The following PPP1R14C variants were observed in gnomAD, a reference collection of about 807,000 sequenced individuals.
The protein encoded by PPP1R14C is protein phosphatase 1 regulatory subunit 14C.
Under a neutral mutation model 20.4 loss-of-function variants are expected in PPP1R14C, and 16 were observed. The ratio of observed to expected loss-of-function variants is 0.78; its 90% CI spans 0.53 to 1.19. The LOEUF is 1.19. PPP1R14C is among the 50% of genes most tolerant of loss of function. The pLI, the probability that PPP1R14C is intolerant of heterozygous loss-of-function variation, is 0.00. For synonymous variants in PPP1R14C, 91 were observed against 91.0 expected (o/e 1.00, Z 0.00); for missense variants, 211 against 220.1 (o/e 0.96, Z 0.26).
intron 1 of PPP1R14C, among the ~76,000 whole-genome samples, chr6:150,151,891 C>G (rs1292402003): frequency 1.3e-5 from 2 of 152,060 alleles, no homozygotes; most frequent in East Asian, 3.9e-4. Context: ...GAGGCTGAGG[C>G]GGGCGGATCA....
intron 3 of PPP1R14C, among the ~76,000 whole-genome samples, chr6:150,218,481 C>T (rs561102720): frequency 7.7e-5 from 9 of 117,042 alleles, no homozygotes; most frequent in Non-Finnish European, 3.5e-5. Flanking sequence ...TGAACCCCCC[C>T]CCCCAAAAAA....
At chr6:150,207,896 G>A (rs1717443780) in intron 1 of PPP1R14C, among the ~76,000 whole-genome samples, 1 of 152,176 alleles carries the variant, frequency 6.6e-6, no homozygotes, top group African/African-American at 2.4e-5. Context: ...GGCCTGGGAA[G>A]TTCAAGGTCG....
At chr6:150,209,278 G>C (rs781605857) in intron 1 of PPP1R14C, among the ~76,000 whole-genome samples, 1 of 152,344 alleles carries the variant, frequency 6.6e-6, no homozygotes, top group South Asian at 2.1e-4. Context: ...ATCTTCAGGT[G>C]AGGTTTTAGC....
intron 3 of PPP1R14C, among the ~76,000 whole-genome samples, chr6:150,245,174 T>A (rs142536949): frequency 1.2e-3 from 186 of 152,354 alleles, no homozygotes; most frequent in African/African-American, 4.4e-3. Context: ...CTACTGGCTC[T>A]GCCTCCTAAA....
chr6:150,247,415 C>T (rs1168760237), intron 3 of PPP1R14C, among the ~76,000 whole-genome samples: 2 of 152,160 alleles, frequency 1.3e-5, no homozygotes, highest in South Asian at 4.2e-4. Flanking sequence ...CATTTTAAAA[C>T]AGGAGGCAAC....
At chr6:150,152,331 C>T (rs907604391) in intron 1 of PPP1R14C, among the ~76,000 whole-genome samples, 20 of 152,264 alleles carry the variant, frequency 1.3e-4, no homozygotes, top group African/African-American at 4.6e-4. Context: ...TGTCCCTGCT[C>T]CAGCTCCCCA....
intron 1 of PPP1R14C, among the ~76,000 whole-genome samples, chr6:150,193,429 G>A (rs894947497): frequency 1.3e-5 from 2 of 152,124 alleles, no homozygotes; most frequent in Admixed American, 1.3e-4. Flanking sequence ...GAATTGGAGT[G>A]TGTAGATGTC....
At chr6:150,232,541 AGC>A (rs1352399025) in intron 3 of PPP1R14C, among the ~76,000 whole-genome samples, 1 of 152,204 alleles carries the variant, frequency 6.6e-6, no homozygotes. Flanking sequence ...TGGCTTTGAA[AGC>A]TTTCACTTTC....
intron 3 of PPP1R14C, among the ~76,000 whole-genome samples, chr6:150,237,669 C>T (rs75577789): frequency 0.047 from 7,223 of 152,246 alleles, 256 homozygotes; most frequent in Middle Eastern, 0.075. Context: ...ATCATTTAAT[C>T]CTTACAGCAT....
At chr6:150,174,700 C>T (rs1220291330) in intron 1 of PPP1R14C, among the ~76,000 whole-genome samples, 1 of 151,588 alleles carries the variant, frequency 6.6e-6, no homozygotes, top group Admixed American at 6.6e-5. Flanking sequence ...CGCAGTGGCT[C>T]ACGCCTGTAA....
At chr6:150,207,409 G>T (rs1777967092) in intron 1 of PPP1R14C, among the ~76,000 whole-genome samples, 3 of 152,142 alleles carry the variant, frequency 2.0e-5, no homozygotes, top group Admixed American at 2.0e-4. Context: ...GGTGGGGCTG[G>T]GCCCTCGATT....
At chr6:150,196,064 T>C (rs1429623289) in intron 1 of PPP1R14C, 15 of 985,320 alleles carry the variant, frequency 1.5e-5, no homozygotes, top group East Asian at 2.3e-4. Flanking sequence ...ACTAAAACCG[T>C]AGTTCTGCTA....
intron 3 of PPP1R14C, among the ~76,000 whole-genome samples, chr6:150,227,567 A>G (rs1778244194): frequency 6.6e-6 from 1 of 152,226 alleles, no homozygotes. Context: ...GTCCATAGGC[A>G]GGGAACTCCT....
intron 1 of PPP1R14C, among the ~76,000 whole-genome samples, chr6:150,214,438 C>T (rs1778064930): frequency 6.6e-6 from 1 of 151,844 alleles, no homozygotes; most frequent in Non-Finnish European, 1.5e-5. Context: ...TTTGCTCCCC[C>T]TCCTCCTTCT....
intron 1 of PPP1R14C, among the ~76,000 whole-genome samples, chr6:150,203,310 C>T (rs200313155): frequency 2.0e-5 from 3 of 152,198 alleles, no homozygotes; most frequent in Non-Finnish European, 4.4e-5. Flanking sequence ...TGGAATCATG[C>T]GTATGGCAAC....
Position 150,158,851 on chromosome 6 carries a change from A to C in PPP1R14C, c.306+15353A>C, listed in dbSNP as rs78502535. 6.4e-3 allele frequency among the ~76,000 whole-genome samples: 981 copies of C among 152,292 alleles called. 7 individuals are homozygous for C. Among genetic ancestry groups the C allele is most frequent in the African/African-American group, 0.022 (903 of 41,556 alleles). On this transcript the variant is annotated intron_variant, in intron 1 of 3. Coordinates refer to ENST00000361131, the MANE Select transcript of PPP1R14C (RefSeq NM_030949.3). ...TTCTTTTTGAGGAAGATGGGCTTTAAATTTTTAAAAAATTATAAATAAGGA... is the reference window on the plus strand; with the variant it reads ...TTCTTTTTGAGGAAGATGGGCTTTACATTTTTAAAAAATTATAAATAAGGA...
intron 3 of PPP1R14C, among the ~76,000 whole-genome samples, chr6:150,235,649 A>G (rs1312449927): frequency 6.6e-6 from 1 of 152,182 alleles, no homozygotes; most frequent in Non-Finnish European, 1.5e-5. Context: ...AGTGGGCAGA[A>G]AAGTCAGCAT....
At chr6:150,244,168 T>TGCTAA (rs1778465773) in intron 3 of PPP1R14C, among the ~76,000 whole-genome samples, 1 of 146,908 alleles carries the variant, frequency 6.8e-6, no homozygotes, top group South Asian at 2.2e-4. Context: ...ATAAAGCTGC[T>TGCTAA]AAAAAAAAAA....
At chr6:150,165,655 G>T (rs1388904529) in intron 1 of PPP1R14C, among the ~76,000 whole-genome samples, 2 of 152,174 alleles carry the variant, frequency 1.3e-5, no homozygotes, top group African/African-American at 4.8e-5. Context: ...AACACTCAGT[G>T]CAAGGAGGGT....
Sources: allele counts gnomAD v4.1 joint callset (sites outside exome capture counted in the v4.1 genomes callset), GRCh38; gene constraint gnomAD v4.1.1; transcripts MANE v1.5; gene names NCBI Gene and HGNC (gene_info 2026-07-23, HGNC 2026-07-21).